CLCN7: variants seen among roughly 807,000 people sequenced by gnomAD.
CLCN7 encodes the protein Cl-/H+ antiporter 7.
In CLCN7, 60 loss-of-function variants were observed where a neutral mutation model predicts 102.1. The ratio of observed to expected loss-of-function variants is 0.59; its 90% CI spans 0.48 to 0.73. The LOEUF (loss-of-function observed/expected upper bound fraction) is 0.73. CLCN7 is among the 30% of genes least tolerant of loss of function. The probability of loss-of-function intolerance (pLI) is 0.00; values close to 1 mark genes in which losing one functional copy is unlikely to be tolerated. For missense variants in CLCN7, 962 were observed against 1,125.7 expected (o/e 0.85, Z 2.08); for synonymous variants, 560 against 490.5 (o/e 1.14, Z -1.87).
Position 1,452,884 on chromosome 16 carries a change from G to C in CLCN7, c.1224C>G (p.His408Gln), listed in dbSNP as rs2038776184. The part of the protein sequence containing the change: ...WLTMFRIRYI[H>Q]RPCLQVIEAV... ...CCTCAATCACCTGCAGGCAGGGCCG[G>C]TGGATGTACCTGGAACCAAGAATCA... is the stretch of plus-strand genomic sequence containing the variant. Residue 408 changes from histidine to glutamine, a missense_variant, in exon 15 of 25, where the codon CAC becomes CAG. This residue lies in a region of CLCN7 where 799 missense variants were observed against 988.0 expected (regional missense o/e 0.81). Coordinates refer to ENST00000382745, the MANE Select transcript of CLCN7 (RefSeq NM_001287.6). 1 of 1,569,054 alleles carries C rather than the reference G, an allele frequency of 6.4e-7. No individual in the cohort carries two copies. Among genetic ancestry groups the C allele is most frequent in the Non-Finnish European group, 8.6e-7 (1 of 1,157,334 alleles).
At chr16:1,470,883 A>G (rs548558567) in intron 1 of CLCN7, among the ~76,000 whole-genome samples, 2 of 152,182 alleles carry the variant, frequency 1.3e-5, no homozygotes, top group African/African-American at 4.8e-5. Flanking sequence ...GTGTCCCAAC[A>G]TGAGTTCCCA....
chr16:1,455,458 A>G, intron 11 of CLCN7: 1 of 648,474 alleles, frequency 1.5e-6, no homozygotes, highest in Non-Finnish European at 2.8e-6. Context: ...TTGCCAGTGG[A>G]GAGCAAGAGG....
intron 10 of CLCN7, 32 bp from the exon 11 acceptor site, chr16:1,455,827 C>T (rs2038827084): frequency 6.2e-7 from 1 of 1,609,402 alleles, no homozygotes; most frequent in East Asian, 2.2e-5. Flanking sequence ...CGGGTGCCAG[C>T]TGGACACAGG....
At position 1,462,941 on chromosome 16, in the gene CLCN7, G is replaced by C. The variant is rs544567031; in HGVS notation, c.214-1267C>G. Among the ~76,000 whole-genome samples the C allele has an allele frequency of 2.0e-5, 3 of 152,120 alleles. No homozygotes were observed. The East Asian group carries it at 5.8e-4, about 30-fold the overall frequency. ...TCTGGGAGGCAGAGGCAGAAGGACT[G>C]CTTGAGGCCAGGAGTTTGTGATCAG... is the stretch of plus-strand genomic sequence containing the variant. On this transcript the variant is annotated intron_variant, in intron 2 of 24. Coordinates refer to ENST00000382745, the MANE Select transcript of CLCN7 (RefSeq NM_001287.6).
At chr16:1,473,159 C>A (rs1218212939) in intron 1 of CLCN7, among the ~76,000 whole-genome samples, 1 of 151,866 alleles carries the variant, frequency 6.6e-6, no homozygotes, top group African/African-American at 2.4e-5. Context: ...TCACCCATGG[C>A]CCCATCACTT....
chr16:1,464,915 T>C (rs979815052), intron 2 of CLCN7, among the ~76,000 whole-genome samples: 2 of 152,100 alleles, frequency 1.3e-5, no homozygotes, highest in African/African-American at 4.8e-5. Flanking sequence ...ACCCCTGCCC[T>C]CTGAAGTCAG....
chr16:1,450,533 G>A lies in CLCN7; in HGVS notation c.1581C>T (p.Leu527=), dbSNP rs779667650. 1.2e-6 allele frequency: 2 copies of A among 1,610,250 alleles called. No individual in the cohort carries two copies. The highest frequency in any genetic ancestry group is 1.7e-5 in the Admixed American group (1 of 59,646). ...TGAGGTAGGACAGGGAGATCCCAAA[G>A]AGCCGGCCCCAGGCAGCCCCGATGA... is the stretch of plus-strand genomic sequence containing the variant. The part of the protein sequence containing the change: ...SLLIGAAWGR[L]FGISLSYLTG... Residue 527 remains leucine (L), a synonymous_variant, in exon 17 of 25, where the codon CTC becomes CTT. Transcript: ENST00000382745.
intron 21 of CLCN7, among the ~76,000 whole-genome samples, chr16:1,447,933 C>T (rs999136039): frequency 3.3e-5 from 5 of 152,228 alleles, no homozygotes; most frequent in Admixed American, 6.5e-5. Flanking sequence ...GGGGCCTGAC[C>T]GCGCACAGCA....
At chr16:1,460,650 G>A in intron 5 of CLCN7, 123 bp from the exon 6 acceptor site, 1 of 1,274,994 alleles carries the variant, frequency 7.8e-7, no homozygotes, top group Non-Finnish European at 1.1e-6. Flanking sequence ...GATGTTCACT[G>A]GACATCCCAG....
At position 1,454,983 on chromosome 16, in the gene CLCN7, C is replaced by A. The variant is rs1374247847; in HGVS notation, c.1098+151G>T. On this transcript the variant is annotated intron_variant, in intron 12 of 24. Transcript: ENST00000382745. ...CAGCTTGGGGTGTCTTCCTGCAGCC[C>A]CTCGGGGCCCTGGAGCTTACACAAG... The A allele has an allele frequency of 4.5e-6, 3 of 661,552 alleles. No homozygotes were observed. The East Asian group carries it at 7.9e-5, about 18-fold the overall frequency. The allele number at this position is 661,552 out of a possible 1,614,324, so 41.0% of individuals were successfully genotyped here. A position where few individuals can be genotyped will look rare whatever the true frequency, so the allele number is the denominator to read the frequency against.
At chr16:1,461,562 G>C (rs2038937419) in intron 3 of CLCN7, 41 bp downstream of exon 3, 1 of 1,611,434 alleles carries the variant, frequency 6.2e-7, no homozygotes, top group Admixed American at 1.7e-5. Context: ...GCAGGGGGCA[G>C]AGGCCGGGTC....
intron 21 of CLCN7, 121 bp from the exon 22 acceptor site, chr16:1,447,835 G>C: frequency 9.0e-7 from 1 of 1,105,764 alleles, no homozygotes; most frequent in Non-Finnish European, 1.3e-6. Flanking sequence ...CATGGGCCCC[G>C]TGTCGGTGGC....
chr16:1,446,820 TG>T, intron 24 of CLCN7, 103 bp from the exon 25 acceptor site: 1 of 1,210,768 alleles, frequency 8.3e-7, no homozygotes, highest in Non-Finnish European at 1.2e-6. Flanking sequence ...CAGGGGGCCC[TG>T]GGGGCTTCAG....
intron 20 of CLCN7, 36 bp from the exon 21 acceptor site, chr16:1,448,520 C>T (rs761950701): frequency 3.3e-5 from 53 of 1,604,322 alleles, no homozygotes; most frequent in Middle Eastern, 3.4e-4. Context: ...GCCCGTCACA[C>T]GCCACCAACT....
intron 4 of CLCN7, 52 bp downstream of exon 4, chr16:1,461,353 C>CG: frequency 6.7e-7 from 1 of 1,489,714 alleles, no homozygotes; most frequent in Non-Finnish European, 9.1e-7. Flanking sequence ...CAGGCCCGGC[C>CG]GGCACCAGGC....
At position 1,450,517 on chromosome 16, in the gene CLCN7, A is replaced by C. The variant is rs751302188; in HGVS notation, c.1597T>G (p.Ser533Ala). The C allele has an allele frequency of 6.2e-7, 1 of 1,608,038 alleles. No homozygotes were observed. The highest frequency in any genetic ancestry group is 1.7e-5 in the Admixed American group (1 of 59,314). Residue 533 changes from serine to alanine, a missense_variant, in exon 17 of 25, where the codon TCC becomes GCC. Transcript: ENST00000382745. ...CTCACCGCCGCCCCCGTGAGGTAGG[A>C]CAGGGAGATCCCAAAGAGCCGGCCC... ...AWGRLFGISL[S>A]YLTGAAIWAD...
chr16:1,460,751 T>G, intron 5 of CLCN7, 65 bp downstream of exon 5: 2 of 1,611,302 alleles, frequency 1.2e-6, no homozygotes, highest in Non-Finnish European at 1.7e-6. Context: ...TCAGGACTTC[T>G]GCCCGGGACT....
Position 1,447,369 on chromosome 16 carries a change from CCATGCCCATGCCCTGCA to C in CLCN7, c.2250+6_2250+22del, listed in dbSNP as rs1214029629. ...TGCTGTTCAGTCCCAGGCCCCACGC[CCATGCCCATGCCCTGCA>C]CATGCCTGGGGCACCGTGTAGGGGG... On this transcript the variant is annotated splice_donor_region_variant and intron_variant, in intron 23 of 24. Transcript: ENST00000382745. 1 of 1,540,542 alleles carries C rather than the reference CCATGCCCATGCCCTGCA, an allele frequency of 6.5e-7. No homozygotes were observed. The highest frequency in any genetic ancestry group is 8.8e-7 in the Non-Finnish European group (1 of 1,141,812).
chr16:1,447,531 C>T lies in CLCN7; in HGVS notation c.2111G>A (p.Arg704Gln), dbSNP rs1051589129. ...VERSNLGLVQ[R>Q]RLRLKDFRDA... The stretch of plus-strand genomic sequence containing the variant: ...TCGGAAGTCCTTCAGCCTCAGGCGC[C>T]GCTGTACCAGGCCCAGGTTGGACCG... The change falls in exon 23 of 25, where the codon CGG becomes CAG. Residue 704 changes from arginine to glutamine, a missense_variant. This residue lies in a region of CLCN7 where 799 missense variants were observed against 988.0 expected (regional missense o/e 0.81). Coordinates refer to ENST00000382745, the MANE Select transcript of CLCN7 (RefSeq NM_001287.6). 1.7e-5 allele frequency: 27 copies of T among 1,555,732 alleles called. No homozygotes were observed. Among genetic ancestry groups the T allele is most frequent in the Middle Eastern group, 1.7e-4 (1 of 6,022 alleles).
Sources: gnomAD v4.1 joint callset for allele counts (sites outside exome capture counted in the v4.1 genomes callset) on GRCh38, gnomAD v4.1.1 for gene constraint, gnomAD v4.1.1 regional missense constraint, MANE v1.5 for transcripts, NCBI Gene and HGNC (gene_info 2026-07-23, HGNC 2026-07-21) for gene names.